CCDC178: variants seen among roughly 807,000 people sequenced by gnomAD.
CCDC178 encodes the protein coiled-coil domain-containing protein 178.
A neutral mutation model predicts 117.4 loss-of-function variants in CCDC178; 126 were observed. The ratio of observed to expected loss-of-function variants is 1.07; its 90% confidence interval spans 0.93 to 1.24. CCDC178 has a LOEUF of 1.24. CCDC178 is among the 50% of genes most tolerant of loss of function. CCDC178 has a pLI of 0.00. For synonymous variants in CCDC178, 283 were observed against 313.4 expected (o/e 0.90, Z 1.02); for missense variants, 1,030 against 986.9 (o/e 1.04, Z -0.59).
At chr18:33,198,866 C>A (rs1406225509) in intron 20 of CCDC178, among the ~76,000 whole-genome samples, 1 of 152,062 alleles carries the variant, frequency 6.6e-6, no homozygotes, top group Non-Finnish European at 1.5e-5. Context: ...GTTAACAAAG[C>A]ATATTAAAAT....
chr18:33,348,773 A>G (rs2062930441), intron 8 of CCDC178, 117 bp downstream of exon 8: 1 of 678,846 alleles, frequency 1.5e-6, no homozygotes, highest in Non-Finnish European at 2.5e-6. Context: ...TCTATTAAAC[A>G]TTCATAATAA....
chr18:33,008,886 C>A (rs898003856), intron 21 of CCDC178, among the ~76,000 whole-genome samples: 1 of 152,088 alleles, frequency 6.6e-6, no homozygotes, highest in Non-Finnish European at 1.5e-5. Context: ...TGTTTATCAA[C>A]AAACTACCTG....
intron 12 of CCDC178, among the ~76,000 whole-genome samples, chr18:33,287,281 A>C (rs2060109871): frequency 6.6e-6 from 1 of 152,238 alleles, no homozygotes; most frequent in Non-Finnish European, 1.5e-5. Context: ...AATAATGCAC[A>C]TCGTTGCTTT....
In CCDC178 at chr18:33,392,085, G is replaced by A. The variant is rs149647847; in HGVS notation, c.119-2456C>T. On this transcript the variant is annotated intron_variant, in intron 4 of 22. Coordinates refer to ENST00000383096, the MANE Select transcript of CCDC178 (RefSeq NM_001105528.4). Reference sequence around the variant, plus strand: ...TTGTCATGTTGGCAAGGCTGGTCTCGAACTCCTGACCTCAGGTGATCCGCC... The same window carrying A: ...TTGTCATGTTGGCAAGGCTGGTCTCAAACTCCTGACCTCAGGTGATCCGCC... 3.1e-3 allele frequency among the ~76,000 whole-genome samples: 478 copies of A among 151,820 alleles called. 1 individual carries two copies. The highest frequency in any genetic ancestry group is 0.011 in the African/African-American group (443 of 41,376).
At chr18:33,307,875 G>A (rs2062279426) in intron 11 of CCDC178, among the ~76,000 whole-genome samples, 1 of 152,216 alleles carries the variant, frequency 6.6e-6, no homozygotes, top group African/African-American at 2.4e-5. Flanking sequence ...TGCATGGATT[G>A]AAGAACTGAG....
intron 21 of CCDC178, among the ~76,000 whole-genome samples, chr18:33,018,591 T>TTTAAAGCATTATGCC (rs1356147037): frequency 6.6e-6 from 1 of 152,136 alleles, no homozygotes; most frequent in African/African-American, 2.4e-5. Flanking sequence ...TCAATGAACC[T>TTTAAAGCATTATGCC]TTAAAGCATT....
intron 7 of CCDC178, among the ~76,000 whole-genome samples, chr18:33,351,010 CAT>C (rs2062969645): frequency 6.6e-6 from 1 of 152,072 alleles, no homozygotes; most frequent in Non-Finnish European, 1.5e-5. Context: ...AAGGGTTTCT[CAT>C]AAATATCCTT....
chr18:33,147,093 C>A (rs2058276586), intron 20 of CCDC178, among the ~76,000 whole-genome samples: 2 of 150,786 alleles, frequency 1.3e-5, no homozygotes, highest in Non-Finnish European at 3.0e-5. Flanking sequence ...ACAATGAACA[C>A]AACACTAATC....
intron 2 of CCDC178, among the ~76,000 whole-genome samples, chr18:33,414,292 T>A (rs1420336247): frequency 7.9e-5 from 12 of 152,086 alleles, no homozygotes; most frequent in Non-Finnish European, 1.5e-5. Context: ...TAGCTGTGAC[T>A]AGGCTGAATA....
At chr18:33,406,124 A>G (rs1209716707) in intron 3 of CCDC178, among the ~76,000 whole-genome samples, 1 of 152,112 alleles carries the variant, frequency 6.6e-6, no homozygotes, top group Non-Finnish European at 1.5e-5. Flanking sequence ...AGTGTTAAAA[A>G]GGACAGCAAA....
At chr18:33,416,427 GAA>G (rs34095942) in intron 2 of CCDC178, among the ~76,000 whole-genome samples, 49 of 141,288 alleles carry the variant, frequency 3.5e-4, no homozygotes, top group Middle Eastern at 3.6e-3. Context: ...ACTCTGTCTC[GAA>G]AAAAAAAAAA....
chr18:33,091,958 C>T (rs1297247106), intron 21 of CCDC178, among the ~76,000 whole-genome samples: 1 of 152,048 alleles, frequency 6.6e-6, no homozygotes, highest in Non-Finnish European at 1.5e-5. Context: ...TCCCAACATT[C>T]CATAATAGCC....
At chr18:33,095,326 A>G (rs1015093335) in intron 20 of CCDC178, among the ~76,000 whole-genome samples, 2 of 152,006 alleles carry the variant, frequency 1.3e-5, no homozygotes, top group African/African-American at 4.8e-5. Flanking sequence ...GTTTGTTAAT[A>G]GTTTCCATAT....
intron 22 of CCDC178, among the ~76,000 whole-genome samples, chr18:32,961,529 A>T (rs1250242507): frequency 6.6e-6 from 1 of 152,064 alleles, no homozygotes; most frequent in Non-Finnish European, 1.5e-5. Context: ...CTTGTATGTT[A>T]TCTAATGCAG....
chr18:33,284,270 A>T (rs2144839531), intron 12 of CCDC178, among the ~76,000 whole-genome samples: 1 of 152,084 alleles, frequency 6.6e-6, no homozygotes, highest in East Asian at 1.9e-4. Context: ...GGAGAGTGGG[A>T]GGAGGGAGAG....
chr18:33,366,298 G>A (rs1454402638), intron 6 of CCDC178, among the ~76,000 whole-genome samples: 1 of 152,008 alleles, frequency 6.6e-6, no homozygotes, highest in Non-Finnish European at 1.5e-5. Context: ...GACCTCAGCA[G>A]GAGGGGTTTA....
intron 20 of CCDC178, among the ~76,000 whole-genome samples, chr18:33,101,724 T>C (rs941675781): frequency 1.3e-5 from 2 of 152,000 alleles, no homozygotes; most frequent in African/African-American, 2.4e-5. Flanking sequence ...AATGCAGAAA[T>C]TGTAAGAACA....
chr18:33,198,706 A>T (rs540622213), intron 20 of CCDC178, among the ~76,000 whole-genome samples: 41 of 152,324 alleles, frequency 2.7e-4, no homozygotes, highest in African/African-American at 8.7e-4. Context: ...CGATGCCTTT[A>T]GTAATGGTAT....
intron 10 of CCDC178, among the ~76,000 whole-genome samples, chr18:33,330,837 C>T (rs1218146816): frequency 6.6e-6 from 1 of 151,972 alleles, no homozygotes; most frequent in Non-Finnish European, 1.5e-5. Flanking sequence ...ACAAGGCCTA[C>T]CCACAATATG....
Sources: allele counts gnomAD v4.1 joint callset (sites outside exome capture counted in the v4.1 genomes callset), GRCh38; gene constraint gnomAD v4.1.1; transcripts MANE v1.5; gene names NCBI Gene and HGNC (gene_info 2026-07-23, HGNC 2026-07-21).